The following FRMPD1 variants were observed in gnomAD, a reference collection of about 807,000 sequenced individuals.
FRMPD1 encodes the protein FERM and PDZ domain-containing protein 1.
In FRMPD1, 76 loss-of-function variants were observed where a neutral mutation model predicts 117.8. That is an observed-to-expected ratio of 0.65 (90% CI 0.54 to 0.78). FRMPD1 has a LOEUF of 0.78. Ranked by LOEUF, FRMPD1 falls within the 30% of genes least tolerant of loss-of-function variation. The probability of loss-of-function intolerance (pLI) is 0.00; values close to 1 mark genes in which losing one functional copy is unlikely to be tolerated. For missense variants in FRMPD1, 1,786 were observed against 1,964.5 expected (o/e 0.91, Z 1.72); for synonymous variants, 783 against 770.4 (o/e 1.02, Z -0.27).
the FRMPD1 span, among the ~76,000 whole-genome samples, chr9:37,610,894 C>G: frequency 6.6e-6 from 1 of 152,076 alleles, no homozygotes; most frequent in African/African-American, 2.4e-5. Context: ...GAGCCACCAT[C>G]CTGGCCTCAC....
At chr9:37,697,912 C>T (rs924730865) in intron 2 of FRMPD1, among the ~76,000 whole-genome samples, 2 of 152,120 alleles carry the variant, frequency 1.3e-5, no homozygotes, top group African/African-American at 2.4e-5. Flanking sequence ...GTCAGGAGTT[C>T]GAGACCAGCC....
At chr9:37,691,016 G>A (rs1329002790) in intron 1 of FRMPD1, among the ~76,000 whole-genome samples, 2 of 152,168 alleles carry the variant, frequency 1.3e-5, no homozygotes, top group Non-Finnish European at 2.9e-5. Context: ...TCTCAACTCT[G>A]TTGCAATGGA....
chr9:37,678,251 C>CTTTTTT lies in FRMPD1; in HGVS notation c.-4-14364_-4-14359dup, dbSNP rs34040451. ...CTCTTTTCCCCTCTAGTACTTACCACTTTTTTTTTTTTTTTTTTTTTTTTT... is the reference window on the plus strand; with the variant it reads ...CTCTTTTCCCCTCTAGTACTTACCACTTTTTTTTTTTTTTTTTTTTTTTTTTTTTTT... On this transcript the variant is annotated intron_variant, in intron 1 of 15. Coordinates refer to ENST00000377765, the MANE Select transcript of FRMPD1 (RefSeq NM_014907.3). 2.2e-3 allele frequency among the ~76,000 whole-genome samples: 173 copies of CTTTTTT among 79,834 alleles called. 24 individuals are homozygous for CTTTTTT. The highest frequency in any genetic ancestry group is 4.4e-3 in the African/African-American group (85 of 19,404). 52.4% of individuals were successfully genotyped at this position (79,834 alleles called of 152,430 possible).
chr9:37,690,688 A>G (rs1442403621), intron 1 of FRMPD1, among the ~76,000 whole-genome samples: 1 of 152,172 alleles, frequency 6.6e-6, no homozygotes, highest in East Asian at 1.9e-4. Context: ...GGATTCTCTA[A>G]TCTTTTGCTT....
At chr9:37,625,976 A>C in the FRMPD1 span, among the ~76,000 whole-genome samples, 1 of 152,208 alleles carries the variant, frequency 6.6e-6, no homozygotes, top group Non-Finnish European at 1.5e-5. Context: ...TAGTCCCAGC[A>C]CTTTGGGAGA....
chr9:37,691,622 G>A (rs1822141983), intron 1 of FRMPD1, among the ~76,000 whole-genome samples: 1 of 152,210 alleles, frequency 6.6e-6, no homozygotes, highest in South Asian at 2.1e-4. Flanking sequence ...GAATAAGACA[G>A]TCTGGGTGTG....
intron 1 of FRMPD1, among the ~76,000 whole-genome samples, chr9:37,673,923 T>C (rs1821439400): frequency 6.6e-6 from 1 of 152,236 alleles, no homozygotes; most frequent in Admixed American, 6.5e-5. Flanking sequence ...CTCCTGAGCC[T>C]CTGTGCCTGT....
intron 1 of FRMPD1, among the ~76,000 whole-genome samples, chr9:37,664,361 G>A (rs1821095901): frequency 6.6e-6 from 1 of 152,084 alleles, no homozygotes; most frequent in African/African-American, 2.4e-5. Context: ...GAATGTGCGA[G>A]TTTGTTACAT....
chr9:37,630,108 C>A, the FRMPD1 span, among the ~76,000 whole-genome samples: 1 of 152,200 alleles, frequency 6.6e-6, no homozygotes, highest in Non-Finnish European at 1.5e-5. Context: ...AATCATCTGT[C>A]AAAGGCCCCA....
In FRMPD1 at chr9:37,745,844, C is replaced by T. The variant is rs201725997; in HGVS notation, c.3812C>T (p.Thr1271Ile). The change falls in exon 16 of 16, where the codon ACT (threonine) becomes ATT (isoleucine). Residue 1271 changes from threonine (T) to isoleucine (I), a missense_variant. Transcript: ENST00000377765. ...CCACAAGAGGATCCTCACTTAGAAA[C>T]TTCAAACCATTGCTTACTCTCAGAA... is the stretch of plus-strand genomic sequence containing the variant. Reference protein sequence around the residue: ...PCPQEDPHLETSNHCLLSEGK... With the variant: ...PCPQEDPHLEISNHCLLSEGK... 1.7e-3 allele frequency: 2,764 copies of T among 1,614,196 alleles called. 45 individuals are homozygous for T. In the South Asian group the frequency reaches 0.028, roughly 17 times the overall value.
At chr9:37,691,704 GA>G (rs1480295003) in intron 1 of FRMPD1, among the ~76,000 whole-genome samples, 6 of 152,218 alleles carry the variant, frequency 3.9e-5, no homozygotes, top group Non-Finnish European at 7.3e-5. Flanking sequence ...AGGCGTTCAA[GA>G]CCAGCCTGGC....
rs946268192 is a variant in FRMPD1, at chr9:37,745,223, T to C, written c.3191T>C (p.Ile1064Thr). The C allele has an allele frequency of 6.2e-7, 1 of 1,613,148 alleles. No homozygotes were observed. Among genetic ancestry groups the C allele is most frequent in the Non-Finnish European group, 8.5e-7 (1 of 1,179,180 alleles). Reference protein sequence around the residue: ...MGLESFCTNHIQETAPKYTEP... With the variant: ...MGLESFCTNHTQETAPKYTEP... ...TTGGAATCTTTTTGTACAAATCATA[T>C]ACAAGAAACTGCCCCCAAATACACA... is the stretch of plus-strand genomic sequence containing the variant. Residue 1064 changes from isoleucine (I) to threonine (T), a missense_variant, in exon 16 of 16, where the codon ATA (isoleucine) becomes ACA (threonine). By Grantham distance (89) the Ile-to-Thr change is moderately conservative. Transcript: ENST00000377765.
chr9:37,728,466 A>G (rs1177131138), intron 7 of FRMPD1, among the ~76,000 whole-genome samples: 3 of 152,190 alleles, frequency 2.0e-5, no homozygotes, highest in Admixed American at 2.0e-4. Context: ...GGGAAAGTAT[A>G]CTGGGCAGAG....
chr9:37,701,969 G>C (rs190608232), intron 2 of FRMPD1, among the ~76,000 whole-genome samples: 13 of 152,228 alleles, frequency 8.5e-5, no homozygotes, highest in Middle Eastern at 3.4e-3. Context: ...GATAAGAGTG[G>C]AGGAAAGTCA....
rs773939270 is a variant in FRMPD1 at position 37,746,466 on chromosome 9, A to G, written c.4434A>G (p.Arg1478=). Residue 1478 remains arginine, a synonymous_variant, in exon 16 of 16, where the codon AGA becomes AGG. Transcript: ENST00000377765. ...KLLSSCRHVI[R]MDQSPEEMQG... ...TGTCGAGCTGTCGGCATGTGATCAG[A>G]ATGGACCAGTCCCCCGAAGAGATGC... 15 of 1,613,742 alleles carry G rather than the reference A, an allele frequency of 9.3e-6. No homozygotes were observed. Among genetic ancestry groups the G allele is most frequent in the Middle Eastern group, 3.3e-4 (2 of 6,062 alleles).
upstream of FRMPD1, among the ~76,000 whole-genome samples, chr9:37,649,954 C>T (rs1454978755): frequency 6.6e-6 from 1 of 152,186 alleles, no homozygotes; most frequent in South Asian, 2.1e-4. Flanking sequence ...ATTCCACTGG[C>T]CTTTCAGGTT....
intron 2 of FRMPD1, among the ~76,000 whole-genome samples, chr9:37,693,960 C>T (rs7025444): frequency 0.35 from 52,499 of 152,012 alleles, 9,714 homozygotes; most frequent in Non-Finnish European, 0.43. Flanking sequence ...ATTTGTAGCA[C>T]TGGCATTGTG....
At chr9:37,688,106 T>C (rs182102749) in intron 1 of FRMPD1, among the ~76,000 whole-genome samples, 513 of 152,074 alleles carry the variant, frequency 3.4e-3, no homozygotes, top group Non-Finnish European at 5.5e-3. Flanking sequence ...TAATTTTCAA[T>C]GTGATGGATT....
In FRMPD1 at chr9:37,710,357, C is replaced by T. The variant is rs571878250; in HGVS notation, c.363-993C>T. Among the ~76,000 whole-genome samples the T allele has an allele frequency of 3.3e-5, 5 of 152,298 alleles. No homozygotes were observed. The East Asian group carries it at 9.6e-4, about 29-fold the overall frequency. ...TTTGCCAACTGCTTCTCCATGGTAG[C>T]AGTGGCAAAGAGAAAGGAAAATATG... On this transcript the variant is annotated intron_variant, in intron 4 of 15. Coordinates refer to ENST00000377765, the MANE Select transcript of FRMPD1 (RefSeq NM_014907.3).
Sources: allele counts gnomAD v4.1 joint callset (sites outside exome capture counted in the v4.1 genomes callset), GRCh38; gene constraint gnomAD v4.1.1; transcripts MANE v1.5; gene names NCBI Gene and HGNC (gene_info 2026-07-23, HGNC 2026-07-21).